CACNA1A: variants seen among roughly 807,000 people sequenced by gnomAD.
CACNA1A encodes the protein calcium voltage-gated channel subunit alpha1 A.
Under a neutral mutation model 262.4 loss-of-function variants are expected in CACNA1A, and 57 were observed. The observed-to-expected ratio is 0.22, with a 90% CI of 0.18 to 0.27. The LOEUF is 0.27. Among genes scored for constraint, CACNA1A ranks in the 10% least tolerant of loss-of-function variants. The pLI, the probability that CACNA1A is intolerant of heterozygous loss-of-function variation, is 1.00. For missense variants in CACNA1A, 2,526 were observed against 3,562.8 expected, an observed-to-expected ratio of 0.71 and a Z score of 7.41; for synonymous variants, 1,431 against 1,419.3, an observed-to-expected ratio of 1.01 and a Z score of -0.18.
At chr19:13,469,122 C>G (rs568455456) in intron 1 of CACNA1A, among the ~76,000 whole-genome samples, 1 of 152,168 alleles carries the variant, frequency 6.6e-6, no homozygotes, top group African/African-American at 2.4e-5. Flanking sequence ...CTTCCTTAAA[C>G]CAGCCAATGC....
chr19:13,466,069 A>C (rs1484893600), intron 1 of CACNA1A, among the ~76,000 whole-genome samples: 1 of 152,080 alleles, frequency 6.6e-6, no homozygotes, highest in Non-Finnish European at 1.5e-5. Flanking sequence ...GGTGGTGAAA[A>C]TGTTCTGGAG....
At chr19:13,414,663 G>C (rs570052257) in intron 3 of CACNA1A, among the ~76,000 whole-genome samples, 1 of 152,162 alleles carries the variant, frequency 6.6e-6, no homozygotes, top group East Asian at 1.9e-4. Flanking sequence ...ACACACTCAA[G>C]AAATAGAAGC....
intron 1 of CACNA1A, among the ~76,000 whole-genome samples, chr19:13,462,730 C>T (rs1267530240): frequency 1.3e-5 from 2 of 152,166 alleles, no homozygotes; most frequent in African/African-American, 2.4e-5. Context: ...GGCTCACACC[C>T]AGGTCTGCCC....
At chr19:13,233,762 A>G (rs2055756692) in intron 34 of CACNA1A, among the ~76,000 whole-genome samples, 3 of 152,136 alleles carry the variant, frequency 2.0e-5, no homozygotes, top group South Asian at 4.1e-4. Context: ...AAATGCTAGG[A>G]TTACAGGCAC....
chr19:13,283,330 A>G lies in CACNA1A; in HGVS notation c.3759T>C (p.Ile1253=). 1 of 1,613,878 alleles carries G rather than the reference A, an allele frequency of 6.2e-7. No individual in the cohort carries two copies. Among genetic ancestry groups the G allele is most frequent in the Non-Finnish European group, 8.5e-7 (1 of 1,179,784 alleles). Residue 1253 remains isoleucine (I), a synonymous_variant, in exon 22 of 47, where the codon ATT becomes ATC. Coordinates refer to ENST00000360228, the MANE Select transcript of CACNA1A (RefSeq NM_001127222.2). Reference sequence around the variant, plus strand: ...CGGCCAGGGCGATGCTGCTCATGGCAATGACCATGAGGATGCACATCTCAA... The same window carrying G: ...CGGCCAGGGCGATGCTGCTCATGGCGATGACCATGAGGATGCACATCTCAA... ...RYFEMCILMV[I]AMSSIALAAE... is the part of the protein sequence containing the mutation.
intron 31 of CACNA1A, among the ~76,000 whole-genome samples, chr19:13,240,425 TAGTG>T (rs2056037212): frequency 6.9e-6 from 1 of 145,350 alleles, no homozygotes; most frequent in Non-Finnish European, 1.5e-5. Flanking sequence ...TGTGTTTGCA[TAGTG>T]ACAGTGTGTG....
intron 6 of CACNA1A, among the ~76,000 whole-genome samples, chr19:13,336,594 G>GGAGAGAGAGAGAGAGAGAGAGAGA (rs547329827): frequency 1.5e-5 from 1 of 65,494 alleles, no homozygotes. Context: ...AGAGAGAGAG[G>GGAGAGAGAGAGAGAGAGAGAGAGA]GAGAGAGAGA....
At chr19:13,342,699 T>C (rs1223281584) in intron 6 of CACNA1A, among the ~76,000 whole-genome samples, 3 of 152,152 alleles carry the variant, frequency 2.0e-5, no homozygotes, top group Non-Finnish European at 4.4e-5. Flanking sequence ...TGGGACCTTC[T>C]AGCATTCCTT....
At chr19:13,288,057 C>G (rs1027464222) in intron 19 of CACNA1A, among the ~76,000 whole-genome samples, 1 of 152,030 alleles carries the variant, frequency 6.6e-6, no homozygotes, top group Non-Finnish European at 1.5e-5. Flanking sequence ...TCCTCCTCGG[C>G]CTCCTAAAAT....
At chr19:13,406,310 C>T (rs1339682600) in intron 3 of CACNA1A, among the ~76,000 whole-genome samples, 1 of 150,684 alleles carries the variant, frequency 6.6e-6, no homozygotes, top group Non-Finnish European at 1.5e-5. Flanking sequence ...ATAGAATTAG[C>T]CAGGTGTGGT....
At chr19:13,297,348 G>A (rs760403318) in intron 19 of CACNA1A, among the ~76,000 whole-genome samples, 12 of 152,174 alleles carry the variant, frequency 7.9e-5, no homozygotes, top group Non-Finnish European at 1.5e-4. Flanking sequence ...CTGGGTTCAA[G>A]GACACTGGTT....
At chr19:13,487,551 T>G (rs1862257) in intron 1 of CACNA1A, among the ~76,000 whole-genome samples, 105,748 of 151,398 alleles carry the variant, frequency 0.7, 37,832 homozygotes, top group African/African-American at 0.87. Flanking sequence ...TTGGGGTCTT[T>G]GAACTACAGA....
chr19:13,295,354 T>C (rs977296435), intron 19 of CACNA1A, among the ~76,000 whole-genome samples: 1 of 152,228 alleles, frequency 6.6e-6, no homozygotes. Context: ...CCCTACCATG[T>C]ACATGACAGT....
chr19:13,400,672 G>A (rs2059885380), intron 3 of CACNA1A, among the ~76,000 whole-genome samples: 1 of 152,180 alleles, frequency 6.6e-6, no homozygotes, highest in South Asian at 2.1e-4. Flanking sequence ...TTGGCAATGT[G>A]TGGAGACATT....
At chr19:13,463,751 A>G (rs1482316880) in intron 1 of CACNA1A, among the ~76,000 whole-genome samples, 3 of 152,250 alleles carry the variant, frequency 2.0e-5, no homozygotes. Flanking sequence ...ATATTATCCA[A>G]CAATGTCCAA....
At chr19:13,290,739 G>A (rs1008989111) in intron 19 of CACNA1A, among the ~76,000 whole-genome samples, 12 of 150,778 alleles carry the variant, frequency 8.0e-5, no homozygotes, top group Non-Finnish European at 1.6e-4. Context: ...GTATATATGT[G>A]TATATATATA....
chr19:13,457,111 C>T (rs1319027527), intron 1 of CACNA1A, among the ~76,000 whole-genome samples: 1 of 151,988 alleles, frequency 6.6e-6, no homozygotes, highest in African/African-American at 2.4e-5. Context: ...ATTAGCCGGG[C>T]ATAGTGGCGC....
At chr19:13,397,681 T>A (rs1168775474) in intron 3 of CACNA1A, among the ~76,000 whole-genome samples, 1 of 152,180 alleles carries the variant, frequency 6.6e-6, no homozygotes, top group Non-Finnish European at 1.5e-5. Flanking sequence ...TGTCTGTCTC[T>A]CCTTCCTGGA....
chr19:13,372,419 G>A (rs1166920352), intron 3 of CACNA1A, among the ~76,000 whole-genome samples: 3 of 152,034 alleles, frequency 2.0e-5, no homozygotes, highest in South Asian at 2.1e-4. Flanking sequence ...TGATCCACCC[G>A]CCTCGGCCTC....
Sources: allele counts gnomAD v4.1 joint callset (sites outside exome capture counted in the v4.1 genomes callset), GRCh38; gene constraint gnomAD v4.1.1; transcripts MANE v1.5; gene names NCBI Gene and HGNC (gene_info 2026-07-23, HGNC 2026-07-21).